Variants in KANSL3 observed in about 807,000 individuals in gnomAD.
KANSL3 encodes KAT8 regulatory NSL complex subunit 3.
In KANSL3, 16 loss-of-function variants were observed where a neutral mutation model predicts 89.2. That is an observed-to-expected ratio of 0.18 (90% CI 0.12 to 0.27). KANSL3 has a LOEUF of 0.27. Ranked by LOEUF, KANSL3 falls within the 10% of genes least tolerant of loss-of-function variation. The probability of loss-of-function intolerance (pLI) is 1.00; values close to 1 mark genes in which losing one functional copy is unlikely to be tolerated. For missense variants in KANSL3, 879 were observed against 1,110.6 expected (o/e 0.79, Z 2.96); for synonymous variants, 385 against 419.7 (o/e 0.92, Z 1.01).
chr2:96,588,767 T>C (rs971205266), downstream of KANSL3, among the ~76,000 whole-genome samples: 1 of 152,110 alleles, frequency 6.6e-6, no homozygotes, highest in African/African-American at 2.4e-5. Flanking sequence ...ATTTTTGTAT[T>C]TTTTTGAGTA....
intron 20 of KANSL3, chr2:96,600,688 A>C: frequency 2.0e-6 from 2 of 985,462 alleles, no homozygotes; most frequent in Non-Finnish European, 2.4e-6. Context: ...TTAACTTCTA[A>C]TCTTTGAGTG....
chr2:96,615,533 G>A, intron 5 of KANSL3: 1 of 1,286,534 alleles, frequency 7.8e-7, no homozygotes, highest in Non-Finnish European at 1.0e-6. Context: ...ACCCACAAAA[G>A]GTCAAAATGA....
chr2:96,608,990 C>T lies in KANSL3; in HGVS notation c.1458G>A (p.Gln486=), dbSNP rs1421465573. 14 of 1,563,792 alleles carry T rather than the reference C, an allele frequency of 9.0e-6. No homozygotes were observed. Among genetic ancestry groups the T allele is most frequent in the Non-Finnish European group, 1.2e-5 (14 of 1,153,804 alleles). ...GGGGCTTCTTCTTCTTCTCAGCATC[C>T]TGATCCCGAGGTTCAGAGCCCATGT... is the stretch of plus-strand genomic sequence containing the variant. The part of the protein sequence containing the change: ...EGHMGSEPRD[Q]DAEKKKKPRD... Residue 486 remains glutamine (Q), a synonymous_variant, in exon 13 of 21, where the codon CAG becomes CAA. Coordinates refer to ENST00000431828, the MANE Select transcript of KANSL3 (RefSeq NM_001115016.3).
intron 12 of KANSL3, 29 bp from the exon 13 acceptor site, chr2:96,609,093 T>C (rs1573390754): frequency 5.2e-6 from 8 of 1,535,408 alleles, no homozygotes; most frequent in South Asian, 1.2e-5. Flanking sequence ...AACCAAGGCC[T>C]TTTAGTCCTC....
intron 20 of KANSL3, among the ~76,000 whole-genome samples, chr2:96,596,017 ACAGAAAAGGAATG>A (rs1428200158): frequency 6.6e-6 from 1 of 152,248 alleles, no homozygotes; most frequent in African/African-American, 2.4e-5. Context: ...ACACATGAAG[ACAGAAAAGGAATG>A]CAGAAAAAAG....
At chr2:96,596,378 C>G (rs1481645411) in intron 20 of KANSL3, among the ~76,000 whole-genome samples, 2 of 152,032 alleles carry the variant, frequency 1.3e-5, no homozygotes, top group African/African-American at 2.4e-5. Context: ...GCAACTTAGC[C>G]CATCTCTACA....
At chr2:96,590,980 C>T (rs1376639398), downstream of KANSL3, among the ~76,000 whole-genome samples, 2 of 151,674 alleles carry the variant, frequency 1.3e-5, no homozygotes, top group Non-Finnish European at 2.9e-5. Context: ...AGCAAGACTC[C>T]GTCTCAAAAA....
At chr2:96,602,569 G>C (rs1046039786) in intron 18 of KANSL3, among the ~76,000 whole-genome samples, 184 bp downstream of exon 18, 2 of 152,176 alleles carry the variant, frequency 1.3e-5, no homozygotes, top group Non-Finnish European at 2.9e-5. Flanking sequence ...GAGTGGTCAA[G>C]AAACTTGCCC....
chr2:96,617,969 T>G (rs1209039982), intron 5 of KANSL3, among the ~76,000 whole-genome samples: 4 of 135,288 alleles, frequency 3.0e-5, no homozygotes, highest in East Asian at 4.3e-4. Context: ...GGCGACAGAG[T>G]GAGACTTTGT....
chr2:96,627,517 T>C lies in KANSL3; in HGVS notation c.386+3795A>G, dbSNP rs144542762. Among the ~76,000 whole-genome samples the C allele has an allele frequency of 2.3e-3, 345 of 152,220 alleles. 2 individuals are homozygous for C. The highest frequency in any genetic ancestry group is 8.1e-3 in the African/African-American group (336 of 41,538). On this transcript the variant is annotated intron_variant, in intron 3 of 20. Transcript: ENST00000431828. ...GGCGAGAGCTACTGCGCCTAGCCTA[T>C]ATACACAAAGCTATCTGAAGACAGT...
the KANSL3 span, among the ~76,000 whole-genome samples, chr2:96,586,267 G>A: frequency 2.0e-5 from 3 of 151,304 alleles, no homozygotes; most frequent in Admixed American, 6.6e-5. Context: ...TGAGGACTTC[G>A]GGGTAAGGGT....
chr2:96,600,983 A>G, intron 20 of KANSL3: 4 of 744,766 alleles, frequency 5.4e-6, no homozygotes, highest in Non-Finnish European at 6.6e-6. Context: ...CTCTGTCTCC[A>G]TGTCCTTAAA....
chr2:96,631,553 A>C, intron 2 of KANSL3, 71 bp from the exon 3 acceptor site: 1 of 1,521,066 alleles, frequency 6.6e-7, no homozygotes, highest in Non-Finnish European at 8.9e-7. Flanking sequence ...TCTGGTTGAC[A>C]AAAAATGTAT....
At chr2:96,588,116 G>A in the KANSL3 span, among the ~76,000 whole-genome samples, 2 of 151,768 alleles carry the variant, frequency 1.3e-5, no homozygotes, top group South Asian at 4.2e-4. Flanking sequence ...CCCCAAATAT[G>A]GTAAAAAGGC....
At chr2:96,614,441 T>C (rs2069577991) in intron 5 of KANSL3, among the ~76,000 whole-genome samples, 1 of 152,190 alleles carries the variant, frequency 6.6e-6, no homozygotes, top group Admixed American at 6.5e-5. Context: ...ATAATTTTGC[T>C]AAAATGTTAC....
At chr2:96,603,168 T>C in intron 17 of KANSL3, 1 of 267,204 alleles carries the variant, frequency 3.7e-6, no homozygotes, top group Non-Finnish European at 7.0e-6. Flanking sequence ...GGAAGAACTT[T>C]TTAAGCCAAA....
At chr2:96,607,188 G>A (rs919362329) in intron 14 of KANSL3, 6 of 412,602 alleles carry the variant, frequency 1.5e-5, no homozygotes, top group South Asian at 7.6e-5. Flanking sequence ...ACTCTGCCAC[G>A]GAGTCAGTCT....
At chr2:96,628,303 T>C in intron 3 of KANSL3, 4 of 958,394 alleles carry the variant, frequency 4.2e-6, no homozygotes, top group Non-Finnish European at 5.0e-6. Flanking sequence ...ACAGACACTC[T>C]GGCCAGGCCA....
At chr2:96,624,534 T>C (rs932461360) in intron 3 of KANSL3, among the ~76,000 whole-genome samples, 2 of 152,198 alleles carry the variant, frequency 1.3e-5, no homozygotes, top group African/African-American at 2.4e-5. Context: ...TTAATTCTTC[T>C]TGTTGTTGAG....
Sources: gnomAD v4.1 joint callset for allele counts (sites outside exome capture counted in the v4.1 genomes callset) on GRCh38, gnomAD v4.1.1 for gene constraint, MANE v1.5 for transcripts, NCBI Gene and HGNC (gene_info 2026-07-23, HGNC 2026-07-21) for gene names.